Variants in ZNG1E observed in about 807,000 individuals in gnomAD.
ZNG1E encodes the protein zinc-regulated GTPase metalloprotein activator 1E.
the ZNG1E span, among the ~76,000 whole-genome samples, chr9:65,720,780 A>G: frequency 4.8e-4 from 68 of 142,016 alleles, no homozygotes; most frequent in Non-Finnish European, 7.5e-4. Flanking sequence ...TTGAATTGCT[A>G]TTGGTTGTAA....
the ZNG1E span, among the ~76,000 whole-genome samples, chr9:65,659,444 G>A: frequency 6.1e-4 from 91 of 148,502 alleles, no homozygotes; most frequent in East Asian, 2.2e-3. Flanking sequence ...GCAGTGAGCC[G>A]AGATCATGCC....
At chr9:65,664,094 C>T in the ZNG1E span, among the ~76,000 whole-genome samples, 4 of 152,158 alleles carry the variant, frequency 2.6e-5, no homozygotes, top group South Asian at 2.1e-4. Flanking sequence ...TTGCTTCTTT[C>T]ACCTTATATC....
the ZNG1E span, among the ~76,000 whole-genome samples, chr9:65,667,198 T>C: frequency 6.6e-6 from 1 of 152,202 alleles, no homozygotes; most frequent in Admixed American, 6.5e-5. Context: ...CAAGATGCAA[T>C]ATGTGAACTC....
the ZNG1E span, among the ~76,000 whole-genome samples, chr9:65,657,890 C>T: frequency 4.6e-5 from 7 of 152,380 alleles, no homozygotes; most frequent in Non-Finnish European, 8.8e-5. Context: ...CACCTGAGGT[C>T]GGGAGTTTGA....
the ZNG1E span, among the ~76,000 whole-genome samples, chr9:65,663,974 T>C: frequency 1.8e-4 from 27 of 149,470 alleles, no homozygotes; most frequent in Admixed American, 1.3e-3. Context: ...TATATATATA[T>C]GTATAGCATA....
At chr9:65,687,361 C>G in the ZNG1E span, among the ~76,000 whole-genome samples, 1 of 139,426 alleles carries the variant, frequency 7.2e-6, no homozygotes, top group African/African-American at 2.6e-5. Context: ...CATTGTCAGG[C>G]AGTCTTTTCA....
At chr9:65,677,659 A>G in the ZNG1E span, among the ~76,000 whole-genome samples, 1 of 152,202 alleles carries the variant, frequency 6.6e-6, no homozygotes, top group African/African-American at 2.4e-5. Context: ...ATAAATGTCA[A>G]TCCGACTGCG....
At chr9:65,717,765 A>C in the ZNG1E span, among the ~76,000 whole-genome samples, 1 of 146,642 alleles carries the variant, frequency 6.8e-6, no homozygotes, top group African/African-American at 2.7e-5. Context: ...TCAGCTCCCT[A>C]TAGCCTCTGT....
the ZNG1E span, among the ~76,000 whole-genome samples, chr9:65,684,049 G>A: frequency 1.3e-5 from 2 of 152,252 alleles, no homozygotes; most frequent in Non-Finnish European, 2.9e-5. Flanking sequence ...GAGGAAGAAA[G>A]AAAAACTAAA....
the ZNG1E span, among the ~76,000 whole-genome samples, chr9:65,664,057 G>A: frequency 6.6e-6 from 1 of 152,188 alleles, no homozygotes; most frequent in African/African-American, 2.4e-5. Context: ...TACTGAAATG[G>A]AATCATACTG....
chr9:65,673,866 G>A, the ZNG1E span, among the ~76,000 whole-genome samples: 1 of 152,300 alleles, frequency 6.6e-6, no homozygotes, highest in African/African-American at 2.4e-5. Context: ...GAACCCACAA[G>A]AATGTACTTT....
At chr9:65,722,697 ATTTTT>A in the ZNG1E span, among the ~76,000 whole-genome samples, 1 of 8,390 alleles carries the variant, frequency 1.2e-4, no homozygotes, top group African/African-American at 4.9e-4. Context: ...TGCCTAGCTA[ATTTTT>A]TTTTTTTTTT....
At chr9:65,684,762 C>T in the ZNG1E span, among the ~76,000 whole-genome samples, 11 of 152,258 alleles carry the variant, frequency 7.2e-5, no homozygotes, top group African/African-American at 1.9e-4. Context: ...TTTTAATAAG[C>T]CCTTCAGGTG....
At chr9:65,659,825 C>T in the ZNG1E span, among the ~76,000 whole-genome samples, 2 of 151,754 alleles carry the variant, frequency 1.3e-5, no homozygotes, top group Non-Finnish European at 2.9e-5. Flanking sequence ...GTCTGGGATG[C>T]AAGTAGAAAT....
the ZNG1E span, among the ~76,000 whole-genome samples, chr9:65,713,867 G>A: frequency 6.6e-6 from 1 of 150,762 alleles, no homozygotes; most frequent in Non-Finnish European, 1.5e-5. Flanking sequence ...TATCTTTGTG[G>A]CATTCTCTGT....
chr9:65,672,572 C>G, the ZNG1E span, among the ~76,000 whole-genome samples: 1 of 151,776 alleles, frequency 6.6e-6, no homozygotes, highest in Non-Finnish European at 1.5e-5. Flanking sequence ...GGTGAAACCT[C>G]GTCTCTACTA....
chr9:65,685,780 A>G, the ZNG1E span, among the ~76,000 whole-genome samples: 1 of 152,272 alleles, frequency 6.6e-6, no homozygotes, highest in Non-Finnish European at 1.5e-5. Flanking sequence ...AATGTTCTTA[A>G]TGGCATCTAG....
chr9:65,714,185 G>T, the ZNG1E span, among the ~76,000 whole-genome samples: 2 of 147,734 alleles, frequency 1.4e-5, no homozygotes, highest in African/African-American at 5.2e-5. Context: ...CGTAGTTCTC[G>T]AGCCTTGGTT....
the ZNG1E span, among the ~76,000 whole-genome samples, chr9:65,659,476 C>A: frequency 7.3e-6 from 1 of 136,628 alleles, no homozygotes; most frequent in Non-Finnish European, 1.5e-5. Context: ...TCCTGGGTGA[C>A]AGAATGAGAC....
Sources: allele counts gnomAD v4.1 joint callset (sites outside exome capture counted in the v4.1 genomes callset), GRCh38; gene constraint gnomAD v4.1.1; transcripts MANE v1.5; gene names NCBI Gene and HGNC (gene_info 2026-07-23, HGNC 2026-07-21).